NELL1: variants seen among roughly 807,000 people sequenced by gnomAD.
NELL1 encodes the protein neural EGFL like 1, also known as protein kinase C-binding protein NELL1.
In NELL1, 76 loss-of-function variants were observed where a neutral mutation model predicts 107.4. The observed-to-expected ratio is 0.71, with a 90% CI of 0.59 to 0.86. NELL1 has a LOEUF of 0.86. Ranked by LOEUF, NELL1 falls within the 40% of genes least tolerant of loss-of-function variation. NELL1 has a pLI of 0.00. For missense variants in NELL1, 1,024 were observed against 1,005.5 expected, an observed-to-expected ratio of 1.02 and a Z score of -0.25; for synonymous variants, 353 against 341.2, an observed-to-expected ratio of 1.03 and a Z score of -0.38.
chr11:21,445,047 A>G (rs534583925), intron 15 of NELL1, among the ~76,000 whole-genome samples: 7 of 152,330 alleles, frequency 4.6e-5, no homozygotes, highest in African/African-American at 1.7e-4. Flanking sequence ...AGCAAAAATA[A>G]AACTAATAAA....
intron 13 of NELL1, among the ~76,000 whole-genome samples, chr11:21,142,348 C>A (rs1440261749): frequency 2.6e-5 from 4 of 152,172 alleles, no homozygotes; most frequent in African/African-American, 4.8e-5. Flanking sequence ...TGCAGGCATG[C>A]CTTCCTGTTG....
At chr11:21,046,821 C>T (rs1040319045) in intron 12 of NELL1, among the ~76,000 whole-genome samples, 6 of 151,966 alleles carry the variant, frequency 3.9e-5, no homozygotes, top group African/African-American at 1.4e-4. Context: ...CATTCTCCCA[C>T]CTCAGCCTCC....
intron 14 of NELL1, among the ~76,000 whole-genome samples, chr11:21,348,534 C>A (rs955540972): frequency 4.6e-5 from 7 of 152,138 alleles, no homozygotes; most frequent in African/African-American, 1.7e-4. Context: ...GCATTTATTT[C>A]TTGATTTATA....
intron 14 of NELL1, among the ~76,000 whole-genome samples, chr11:21,330,769 T>C (rs1201203687): frequency 6.6e-6 from 1 of 152,088 alleles, no homozygotes; most frequent in East Asian, 1.9e-4. Flanking sequence ...TTCTGTGAAA[T>C]TTGCAAAGTA....
chr11:21,212,294 C>G (rs1377007029), intron 13 of NELL1, among the ~76,000 whole-genome samples: 2 of 152,056 alleles, frequency 1.3e-5, no homozygotes, highest in African/African-American at 4.8e-5. Context: ...GTATCTGGCT[C>G]ATATAGTATG....
chr11:21,200,348 T>C (rs1295491932), intron 13 of NELL1, among the ~76,000 whole-genome samples: 1 of 152,244 alleles, frequency 6.6e-6, no homozygotes, highest in African/African-American at 2.4e-5. Flanking sequence ...CTAACTGGAA[T>C]GAGATGGTAT....
chr11:20,895,626 C>T (rs1849719608), intron 5 of NELL1, among the ~76,000 whole-genome samples: 1 of 150,880 alleles, frequency 6.6e-6, no homozygotes, highest in African/African-American at 2.4e-5. Flanking sequence ...CTGCCTCAGC[C>T]TCTGGAGGAG....
At chr11:20,988,809 G>T (rs770411105) in intron 12 of NELL1, among the ~76,000 whole-genome samples, 2 of 151,666 alleles carry the variant, frequency 1.3e-5, no homozygotes, top group Non-Finnish European at 2.9e-5. Flanking sequence ...GGATGGTCTC[G>T]ATCTCCTGAC....
At chr11:21,176,800 T>C (rs181461738) in intron 13 of NELL1, among the ~76,000 whole-genome samples, 14 of 151,590 alleles carry the variant, frequency 9.2e-5, no homozygotes, top group Non-Finnish European at 8.8e-5. Context: ...ATAATATGGG[T>C]TCTTGATGAA....
At chr11:20,706,683 A>T (rs1485397443) in intron 2 of NELL1, among the ~76,000 whole-genome samples, 1 of 152,142 alleles carries the variant, frequency 6.6e-6, no homozygotes, top group Non-Finnish European at 1.5e-5. Context: ...AAATAAAAAA[A>T]AAAGGAATGT....
chr11:21,404,501 C>T (rs538061852), intron 15 of NELL1, among the ~76,000 whole-genome samples: 1 of 151,856 alleles, frequency 6.6e-6, no homozygotes, highest in Non-Finnish European at 1.5e-5. Context: ...TTTGGGTTCA[C>T]CTAGTCCTGA....
At chr11:21,425,708 T>A (rs1347190525) in intron 15 of NELL1, among the ~76,000 whole-genome samples, 1 of 152,138 alleles carries the variant, frequency 6.6e-6, no homozygotes, top group Non-Finnish European at 1.5e-5. Context: ...GGTGATAGAT[T>A]TGTGTTGTAT....
intron 15 of NELL1, among the ~76,000 whole-genome samples, chr11:21,372,291 A>T (rs923450114): frequency 3.3e-5 from 5 of 151,702 alleles, no homozygotes; most frequent in African/African-American, 1.2e-4. Context: ...AAAAAAAAAC[A>T]AAAACTAAAA....
intron 15 of NELL1, among the ~76,000 whole-genome samples, chr11:21,371,467 G>A (rs182079373): frequency 3.9e-5 from 6 of 152,188 alleles, no homozygotes; most frequent in African/African-American, 9.6e-5. Flanking sequence ...GCCAATTAGC[G>A]TAAGTAAGAT....
chr11:20,851,175 G>A (rs772855607), intron 4 of NELL1, among the ~76,000 whole-genome samples: 21 of 152,180 alleles, frequency 1.4e-4, no homozygotes, highest in Admixed American at 3.3e-4. Context: ...TTGCTCTGAG[G>A]AATATTAATG....
At chr11:21,455,391 G>A (rs966347738) in intron 15 of NELL1, among the ~76,000 whole-genome samples, 1 of 147,206 alleles carries the variant, frequency 6.8e-6, no homozygotes, top group African/African-American at 2.5e-5. Context: ...GAGTGTGTTG[G>A]CATGGTCATG....
At chr11:20,975,958 A>ATGTGTACATATATGTAT (rs1554953036) in intron 12 of NELL1, among the ~76,000 whole-genome samples, 2 of 102,668 alleles carry the variant, frequency 1.9e-5, no homozygotes, top group East Asian at 7.0e-4. Context: ...TATGTACATT[A>ATGTGTACATATATGTAT]TATATACATT....
chr11:21,218,019 T>C (rs920091712), intron 13 of NELL1, among the ~76,000 whole-genome samples: 2 of 152,192 alleles, frequency 1.3e-5, no homozygotes, highest in Non-Finnish European at 2.9e-5. Flanking sequence ...TGAATATTAG[T>C]TAAAGTATTG....
chr11:21,360,079 T>C (rs1476592717), intron 14 of NELL1, among the ~76,000 whole-genome samples: 1 of 152,168 alleles, frequency 6.6e-6, no homozygotes, highest in Non-Finnish European at 1.5e-5. Flanking sequence ...AGTGTGATCT[T>C]AGATCATCTA....
Sources: allele counts gnomAD v4.1 joint callset (sites outside exome capture counted in the v4.1 genomes callset), GRCh38; gene constraint gnomAD v4.1.1; transcripts MANE v1.5; gene names NCBI Gene and HGNC (gene_info 2026-07-23, HGNC 2026-07-21).